The following DLG2 variants were observed in gnomAD, a reference collection of about 807,000 sequenced individuals.
DLG2 encodes disks large homolog 2.
Under a neutral mutation model 132.5 loss-of-function variants are expected in DLG2, and 45 were observed. The observed-to-expected ratio is 0.34, with a 90% CI of 0.27 to 0.44. DLG2 has a LOEUF of 0.44. Ranked by LOEUF, DLG2 falls within the 20% of genes least tolerant of loss-of-function variation. The pLI is 1.00. For missense variants in DLG2, 1,045 were observed against 1,196.9 expected, an observed-to-expected ratio of 0.87 and a Z score of 1.87; for synonymous variants, 424 against 419.6, an observed-to-expected ratio of 1.01 and a Z score of -0.13.
intron 21 of DLG2, among the ~76,000 whole-genome samples, chr11:83,508,683 G>A (rs891581523): frequency 6.6e-6 from 1 of 151,678 alleles, no homozygotes; most frequent in African/African-American, 2.4e-5. Context: ...ACACATACAG[G>A]CAAACACACA....
At position 85,071,286 on chromosome 11, in the gene DLG2, A is replaced by G. The variant is rs2065827803; in HGVS notation, c.357+40375T>C. Among the ~76,000 whole-genome samples the G allele has an allele frequency of 2.6e-5, 4 of 151,816 alleles. No homozygotes were observed. In the South Asian group the frequency reaches 8.3e-4, roughly 31 times the overall value. On this transcript the variant is annotated intron_variant, in intron 6 of 27. Coordinates refer to ENST00000376104, the MANE Select transcript of DLG2 (RefSeq NM_001142699.3). ...AGGTAGATATGTAAAAGAACTTCCC[A>G]TTAGGATGACGCAGTCACTGGGGTG...
At chr11:83,816,215 T>A (rs2048868709) in intron 17 of DLG2, among the ~76,000 whole-genome samples, 1 of 152,210 alleles carries the variant, frequency 6.6e-6, no homozygotes, top group African/African-American at 2.4e-5. Context: ...ATTCCAGGAC[T>A]ACATTTCCGT....
rs573750143 is a variant in DLG2 at position 85,012,500 on chromosome 11, G to C, written c.357+99161C>G. On this transcript the variant is annotated intron_variant, in intron 6 of 27. Transcript: ENST00000376104. ...GATCGCGCCATTGCACTACAGCCTAGGCAATAAGAGCAAAACTCTGTCTCA... is the reference window on the plus strand; with the variant it reads ...GATCGCGCCATTGCACTACAGCCTACGCAATAAGAGCAAAACTCTGTCTCA... Among the ~76,000 whole-genome samples, 4 of 151,792 alleles carry C rather than the reference G, an allele frequency of 2.6e-5. No homozygotes were observed. The East Asian group carries it at 7.7e-4, about 29-fold the overall frequency.
At chr11:84,759,254 A>C (rs1036423626) in intron 6 of DLG2, among the ~76,000 whole-genome samples, 1 of 152,166 alleles carries the variant, frequency 6.6e-6, no homozygotes, top group Non-Finnish European at 1.5e-5. Flanking sequence ...GATGTGAATA[A>C]AATTCTCATT....
intron 6 of DLG2, among the ~76,000 whole-genome samples, chr11:84,841,660 C>CA (rs1252045540): frequency 6.6e-6 from 1 of 151,964 alleles, no homozygotes; most frequent in African/African-American, 2.4e-5. Flanking sequence ...TTCTGAAAAA[C>CA]ACACCACTGA....
chr11:84,830,509 G>T (rs909338569), intron 6 of DLG2, among the ~76,000 whole-genome samples: 8 of 151,484 alleles, frequency 5.3e-5, no homozygotes, highest in Non-Finnish European at 8.9e-5. Context: ...TCCAGCTGAG[G>T]AGTGAACTCT....
chr11:84,822,077 T>G (rs2077765215), intron 6 of DLG2, among the ~76,000 whole-genome samples: 1 of 150,094 alleles, frequency 6.7e-6, no homozygotes, highest in East Asian at 1.9e-4. Flanking sequence ...GAAAGCCATT[T>G]TGGTAAATAA....
chr11:84,414,021 T>C (rs548093656), intron 7 of DLG2, among the ~76,000 whole-genome samples: 78 of 152,206 alleles, frequency 5.1e-4, no homozygotes, highest in African/African-American at 1.9e-3. Flanking sequence ...AAAACACCCA[T>C]CTCTTATATA....
At chr11:84,570,979 T>C (rs988385612) in intron 6 of DLG2, among the ~76,000 whole-genome samples, 1 of 152,174 alleles carries the variant, frequency 6.6e-6, no homozygotes, top group African/African-American at 2.4e-5. Context: ...TAAAAGTATT[T>C]GCTAAAATTA....
intron 14 of DLG2, among the ~76,000 whole-genome samples, chr11:83,933,948 G>A (rs536989358): frequency 2.2e-4 from 33 of 152,232 alleles, no homozygotes; most frequent in Non-Finnish European, 4.4e-4. Context: ...CATGGAGAAG[G>A]TAGCTGTAGC....
At chr11:83,632,712 T>C (rs1412907762) in intron 19 of DLG2, 2 of 152,602 alleles carry the variant, frequency 1.3e-5, no homozygotes, top group African/African-American at 4.8e-5. Flanking sequence ...GGTAGCGAGA[T>C]GACACAGAAG....
At chr11:85,184,266 T>C (rs1355186135) in intron 4 of DLG2, among the ~76,000 whole-genome samples, 1 of 151,426 alleles carries the variant, frequency 6.6e-6, no homozygotes, top group African/African-American at 2.4e-5. Flanking sequence ...GCTGCATAAA[T>C]TAAAACAAAC....
At chr11:85,307,236 C>T (rs897909167) in intron 3 of DLG2, among the ~76,000 whole-genome samples, 3 of 151,634 alleles carry the variant, frequency 2.0e-5, no homozygotes, top group Admixed American at 1.3e-4. Context: ...AAAAATGGAA[C>T]GGAAGAAAAC....
chr11:84,785,187 A>G (rs975660097), intron 6 of DLG2, among the ~76,000 whole-genome samples: 3 of 152,124 alleles, frequency 2.0e-5, no homozygotes, highest in African/African-American at 7.2e-5. Context: ...CTTTTAATCT[A>G]CAGGATCTCC....
chr11:85,397,377 G>A (rs1348738506), intron 3 of DLG2, among the ~76,000 whole-genome samples: 2 of 151,860 alleles, frequency 1.3e-5, no homozygotes, highest in Non-Finnish European at 2.9e-5. Context: ...CAATTAACGG[G>A]CAAAATAACC....
chr11:85,019,378 G>T (rs960806870), intron 6 of DLG2, among the ~76,000 whole-genome samples: 6 of 152,066 alleles, frequency 3.9e-5, no homozygotes, highest in Admixed American at 3.9e-4. Flanking sequence ...AAGATACTAG[G>T]GGAGAGGATC....
At chr11:85,008,760 A>C (rs2058910007) in intron 6 of DLG2, among the ~76,000 whole-genome samples, 2 of 152,228 alleles carry the variant, frequency 1.3e-5, no homozygotes, top group South Asian at 2.1e-4. Context: ...TGCTGTCATT[A>C]AACTTATATT....
At chr11:83,958,590 A>G (rs1429918458) in intron 14 of DLG2, among the ~76,000 whole-genome samples, 3 of 152,148 alleles carry the variant, frequency 2.0e-5, no homozygotes, top group Non-Finnish European at 4.4e-5. Flanking sequence ...TTGAAAGAGT[A>G]GTTTTACTTT....
chr11:84,419,026 T>C lies in DLG2; in HGVS notation c.519+115544A>G, dbSNP rs1304214109. ...AAAATGTAAACTCCTTAAGGGCAAA[T>C]GTTCTCTCTTATCTGTCCTGGTATA... On this transcript the variant is annotated intron_variant, in intron 7 of 27. Coordinates refer to ENST00000376104, the MANE Select transcript of DLG2 (RefSeq NM_001142699.3). 3.3e-5 allele frequency among the ~76,000 whole-genome samples: 5 copies of C among 152,156 alleles called. No individual in the cohort carries two copies. The East Asian group carries it at 9.6e-4, about 29-fold the overall frequency.
Sources: allele counts gnomAD v4.1 joint callset (sites outside exome capture counted in the v4.1 genomes callset), GRCh38; gene constraint gnomAD v4.1.1; transcripts MANE v1.5; gene names NCBI Gene and HGNC (gene_info 2026-07-23, HGNC 2026-07-21).